RFTN1: variants seen among roughly 807,000 people sequenced by gnomAD.
RFTN1 encodes raftlin.
Under a neutral mutation model 46.5 loss-of-function variants are expected in RFTN1, and 26 were observed. The ratio of observed to expected loss-of-function variants is 0.56; its 90% confidence interval spans 0.41 to 0.78. The LOEUF (loss-of-function observed/expected upper bound fraction) is 0.78. Among genes scored for constraint, RFTN1 ranks in the 30% least tolerant of loss-of-function variants. The pLI is 0.00. For missense variants in RFTN1, 693 were observed against 718.7 expected (o/e 0.96, Z 0.41); for synonymous variants, 261 against 284.2 (o/e 0.92, Z 0.82).
chr3:16,473,692 C>T lies in RFTN1; in HGVS notation c.145+20033G>A, dbSNP rs2076236843. ...AAAGTGCTAAGATTACAGTTGTGAG[C>T]CACTGCACCTGGCCAAATACTCGGT... is the stretch of plus-strand genomic sequence containing the variant. On this transcript the variant is annotated intron_variant, in intron 2 of 9. Transcript: ENST00000334133. This position sits in a 1 kb window ranked among gnomAD's most constrained non-coding sequence, Gnocchi z 5.3. Among the ~76,000 whole-genome samples, 1 of 152,170 alleles carries T rather than the reference C, an allele frequency of 6.6e-6. No individual in the cohort carries two copies. Among genetic ancestry groups the T allele is most frequent in the African/African-American group, 2.4e-5 (1 of 41,422 alleles).
chr3:16,472,902 G>C (rs573014765), intron 2 of RFTN1, among the ~76,000 whole-genome samples: 2 of 152,268 alleles, frequency 1.3e-5, no homozygotes, highest in East Asian at 3.9e-4. Flanking sequence ...TTCTTCCAGG[G>C]GCTGGCACTA....
chr3:16,455,804 A>G (rs2075895062), intron 2 of RFTN1, among the ~76,000 whole-genome samples: 1 of 152,232 alleles, frequency 6.6e-6, no homozygotes, highest in African/African-American at 2.4e-5. Flanking sequence ...ATCCTAGTCA[A>G]CATAATTCTA....
rs35848042 is a variant in RFTN1 at position 16,507,599 on chromosome 3, A to AACACAC, written c.-9+5837_-9+5842dup. On this transcript the variant is annotated intron_variant, in intron 1 of 9. Coordinates refer to ENST00000334133, the MANE Select transcript of RFTN1 (RefSeq NM_015150.2). This position sits in a 1 kb window ranked among gnomAD's most constrained non-coding sequence, Gnocchi z 7.1. ...TAAAAGGCAAAGTAGGGAGTTTCAA[A>AACACAC]ACACACACACACACACACACACATA... 0.051 allele frequency among the ~76,000 whole-genome samples: 7,303 copies of AACACAC among 142,648 alleles called. 583 individuals carry two copies. Among genetic ancestry groups the AACACAC allele is most frequent in the African/African-American group, 0.18 (6,846 of 38,306 alleles). The allele number at this position is 142,648 out of a possible 152,430, so 93.6% of individuals were successfully genotyped here. A position where few individuals can be genotyped will look rare whatever the true frequency, so the allele number is the denominator to read the frequency against.
At chr3:16,397,252 A>G (rs75044204) in intron 4 of RFTN1, among the ~76,000 whole-genome samples, 3,169 of 152,178 alleles carry the variant, frequency 0.021, 51 homozygotes, top group Non-Finnish European at 0.033. Flanking sequence ...CAGACACGAA[A>G]TGAAAAATAG....
chr3:16,434,952 A>C (rs1424983348), intron 2 of RFTN1, among the ~76,000 whole-genome samples: 1 of 152,256 alleles, frequency 6.6e-6, no homozygotes, highest in African/African-American at 2.4e-5. Context: ...TTACACAAAT[A>C]AAAACCAGGA....
intron 7 of RFTN1, among the ~76,000 whole-genome samples, chr3:16,357,125 A>C (rs1160474165): frequency 2.5e-4 from 21 of 83,438 alleles, no homozygotes; most frequent in African/African-American, 8.5e-4. Context: ...AAAAAAAAAA[A>C]AAACAAAAAA....
chr3:16,371,457 G>A (rs140411694), intron 5 of RFTN1, among the ~76,000 whole-genome samples: 7 of 152,250 alleles, frequency 4.6e-5, no homozygotes, highest in East Asian at 3.9e-4. Flanking sequence ...AAGGCAGTCC[G>A]CTACCACTTG....
At position 16,355,141 on chromosome 3, in the gene RFTN1, C is replaced by T. The variant is rs1357336506; in HGVS notation, c.1146+2791G>A. On this transcript the variant is annotated intron_variant, in intron 7 of 9. Transcript: ENST00000334133. ...TGAGCCCTCAACAGAATCACCCTAA[C>T]ACTCCATTCACAGAAATCTAGGCTC... Among the ~76,000 whole-genome samples the T allele has an allele frequency of 2.6e-5, 4 of 152,226 alleles. No homozygotes were observed. In the East Asian group the frequency reaches 7.7e-4, roughly 29 times the overall value.
chr3:16,415,023 A>T (rs2075047624), intron 3 of RFTN1, among the ~76,000 whole-genome samples: 1 of 152,118 alleles, frequency 6.6e-6, no homozygotes, highest in Non-Finnish European at 1.5e-5. Context: ...GATCTGGTGA[A>T]TTTTAAAAGG....
Position 16,342,224 on chromosome 3 carries a change from A to G in RFTN1, c.1147-15348T>C, listed in dbSNP as rs2071364432. Among the ~76,000 whole-genome samples the G allele has an allele frequency of 6.6e-6, 1 of 151,922 alleles. No individual in the cohort carries two copies. Among genetic ancestry groups the G allele is most frequent in the Non-Finnish European group, 1.5e-5 (1 of 67,984 alleles). On this transcript the variant is annotated intron_variant, in intron 7 of 9. Transcript: ENST00000334133. The surrounding 1 kb of genome is among the most constrained non-coding windows in gnomAD (Gnocchi z 4.0). ...CTTTCCCCCCACCCACCCCGAGGCA[A>G]CCACGAGTCCACTTTTTGTCTCTAT...
At chr3:16,496,896 A>C (rs1050178804) in intron 1 of RFTN1, among the ~76,000 whole-genome samples, 12 of 152,198 alleles carry the variant, frequency 7.9e-5, no homozygotes, top group Non-Finnish European at 1.6e-4. Context: ...AAAGCAACGA[A>C]AACATGGAAC....
intron 4 of RFTN1, among the ~76,000 whole-genome samples, chr3:16,403,800 A>T (rs1208229678): frequency 0.11 from 1,162 of 10,618 alleles, 87 homozygotes; most frequent in Admixed American, 0.12. Flanking sequence ...TATATATAAT[A>T]TATATTATAT....
At chr3:16,471,755 A>G (rs1195512618) in intron 2 of RFTN1, among the ~76,000 whole-genome samples, 1 of 152,236 alleles carries the variant, frequency 6.6e-6, no homozygotes, top group Non-Finnish European at 1.5e-5. Context: ...TCATGGCACA[A>G]GTTTGATCAA....
At chr3:16,371,596 T>A (rs1456824724) in intron 5 of RFTN1, among the ~76,000 whole-genome samples, 2 of 152,226 alleles carry the variant, frequency 1.3e-5, no homozygotes, top group African/African-American at 2.4e-5. Flanking sequence ...AGCAGAGATC[T>A]CTAGGGACCA....
chr3:16,502,912 ATAAT>A (rs1405483089), intron 1 of RFTN1, among the ~76,000 whole-genome samples: 1 of 152,216 alleles, frequency 6.6e-6, no homozygotes, highest in Non-Finnish European at 1.5e-5. Context: ...CCATCAATAG[ATAAT>A]TAATCCAGGC....
rs2075801157 is a variant in RFTN1, at chr3:16,450,257, C to T, written c.146-16220G>A. 6.6e-6 allele frequency among the ~76,000 whole-genome samples: 1 copy of T among 152,196 alleles called. No homozygotes were observed. Among genetic ancestry groups the T allele is most frequent in the Admixed American group, 6.5e-5 (1 of 15,288 alleles). On this transcript the variant is annotated intron_variant, in intron 2 of 9. Transcript: ENST00000334133. The surrounding 1 kb of genome is among the most constrained non-coding windows in gnomAD (Gnocchi z 4.6). The stretch of plus-strand genomic sequence containing the variant: ...CTTAAATTCTCCTCCCACCTCAGGC[C>T]TGCCTTGCTTGCAGCTCTGTCTGGG...
rs944402564 is a variant in RFTN1, at chr3:16,421,961, C to T, written c.332+11890G>A. On this transcript the variant is annotated intron_variant, in intron 3 of 9. Coordinates refer to ENST00000334133, the MANE Select transcript of RFTN1 (RefSeq NM_015150.2). The surrounding 1 kb of genome is among the most constrained non-coding windows in gnomAD (Gnocchi z 4.6). The stretch of plus-strand genomic sequence containing the variant: ...TACAGCACATGTGACCTCTGACATA[C>T]ACACCAAGCCAGGACACCACCTTCA... 5.9e-5 allele frequency among the ~76,000 whole-genome samples: 9 copies of T among 152,140 alleles called. No individual in the cohort carries two copies. Among genetic ancestry groups the T allele is most frequent in the Non-Finnish European group, 1.2e-4 (8 of 68,016 alleles).
chr3:16,454,239 T>C (rs2075866817), intron 2 of RFTN1, among the ~76,000 whole-genome samples: 2 of 152,240 alleles, frequency 1.3e-5, no homozygotes, highest in South Asian at 2.1e-4. Flanking sequence ...CAAAATTTAA[T>C]AGGAATTGCC....
chr3:16,456,084 T>C (rs1243359659), intron 2 of RFTN1, among the ~76,000 whole-genome samples: 2 of 149,504 alleles, frequency 1.3e-5, no homozygotes, highest in Non-Finnish European at 3.0e-5. Context: ...CTGCAGAACA[T>C]GAGCGAAACT....
Sources: allele counts gnomAD v4.1 joint callset (sites outside exome capture counted in the v4.1 genomes callset), GRCh38; gene constraint gnomAD v4.1.1; non-coding constraint Gnocchi (gnomAD v3.1); transcripts MANE v1.5; gene names NCBI Gene and HGNC (gene_info 2026-07-23, HGNC 2026-07-21).